HDAC8: variants seen among roughly 807,000 people sequenced by gnomAD.
HDAC8 encodes the protein histone deacetylase 8.
In HDAC8, 1 loss-of-function variant was observed where a neutral mutation model predicts 32.2. The observed-to-expected ratio is 0.03, with a 90% confidence interval of 0.01 to 0.15. The LOEUF (loss-of-function observed/expected upper bound fraction) is 0.15. Among genes scored for constraint, HDAC8 ranks in the 10% least tolerant of loss-of-function variants. The pLI, the probability that HDAC8 is intolerant of heterozygous loss-of-function variation, is 1.00. For synonymous variants in HDAC8, 108 were observed against 113.9 expected (o/e 0.95, Z 0.33); for missense variants, 117 against 300.0 (o/e 0.39, Z 4.51).
chrX:72,393,473 A>C (rs2045666941), intron 9 of HDAC8, among the ~76,000 whole-genome samples: 1 of 112,017 alleles, frequency 8.9e-6, no homozygotes, highest in African/African-American at 3.2e-5. Context: ...ATTTTCTTTC[A>C]TTCCACATGT....
At chrX:72,456,713 C>T (rs1398120605) in intron 9 of HDAC8, among the ~76,000 whole-genome samples, 6 of 111,128 alleles carry the variant, frequency 5.4e-5, no homozygotes, top group East Asian at 5.7e-4. Context: ...GCAGGAAAAT[C>T]GCGTGAACCC....
chrX:72,416,264 G>A (rs2046328720), intron 9 of HDAC8, among the ~76,000 whole-genome samples: 1 of 109,432 alleles, frequency 9.1e-6, no homozygotes, highest in South Asian at 3.9e-4. Context: ...GTAGTTTGTG[G>A]CTTTTGAGGA....
intron 7 of HDAC8, among the ~76,000 whole-genome samples, chrX:72,478,049 C>T (rs1256848555): frequency 8.9e-6 from 1 of 112,731 alleles, no homozygotes; most frequent in Non-Finnish European, 1.9e-5. Flanking sequence ...ATTCATTCTT[C>T]CCTGAGGAAA....
chrX:72,519,019 A>G (rs782760418), intron 4 of HDAC8, among the ~76,000 whole-genome samples: 1 of 112,779 alleles, frequency 8.9e-6, no homozygotes, highest in East Asian at 2.8e-4. Flanking sequence ...ACAATTATGA[A>G]TAAAGCTGCT....
At chrX:72,352,103 T>C (rs1298838612) in intron 9 of HDAC8, among the ~76,000 whole-genome samples, 2 of 111,775 alleles carry the variant, frequency 1.8e-5, no homozygotes, top group African/African-American at 6.5e-5. Flanking sequence ...TCTCTCCAAC[T>C]TCAGCTCTTA....
intron 4 of HDAC8, among the ~76,000 whole-genome samples, chrX:72,496,186 C>T (rs2049013433): frequency 9.0e-6 from 1 of 111,354 alleles, no homozygotes; most frequent in Non-Finnish European, 1.9e-5. Context: ...TAGGCATAAG[C>T]AACAGTTAAA....
intron 7 of HDAC8, among the ~76,000 whole-genome samples, chrX:72,482,283 T>C (rs2048532719): frequency 8.9e-6 from 1 of 111,952 alleles, no homozygotes; most frequent in African/African-American, 3.3e-5. Context: ...TGTAATTCCA[T>C]GAGAAGACCT....
chrX:72,504,089 T>C (rs1439148339), intron 4 of HDAC8, among the ~76,000 whole-genome samples: 3 of 112,446 alleles, frequency 2.7e-5, no homozygotes, highest in African/African-American at 9.7e-5. Context: ...ATTTGGTAAA[T>C]TACCATTCTT....
chrX:72,565,719 C>T (rs1350480746), intron 4 of HDAC8, among the ~76,000 whole-genome samples: 1 of 112,058 alleles, frequency 8.9e-6, no homozygotes, highest in African/African-American at 3.2e-5. Context: ...TACTTTTCTT[C>T]TCAACTTGCC....
intron 3 of HDAC8, 45 bp from the exon 4 acceptor site, chrX:72,568,075 A>G: frequency 8.8e-7 from 1 of 1,139,050 alleles, no homozygotes; most frequent in Non-Finnish European, 1.2e-6. Context: ...TGAACTGGAA[A>G]AAGAGGAGGA....
chrX:72,515,009 G>A (rs1427953590), intron 4 of HDAC8, among the ~76,000 whole-genome samples: 4 of 111,716 alleles, frequency 3.6e-5, no homozygotes, highest in African/African-American at 1.3e-4. Flanking sequence ...CCACAATCAA[G>A]CTAATTAACA....
intron 7 of HDAC8, among the ~76,000 whole-genome samples, chrX:72,479,825 C>T (rs965466038): frequency 8.9e-6 from 1 of 112,055 alleles, no homozygotes; most frequent in Admixed American, 9.4e-5. Flanking sequence ...GAGAAAACAC[C>T]GGTTCGCCAC....
At chrX:72,528,894 G>A (rs781884191) in intron 4 of HDAC8, among the ~76,000 whole-genome samples, 4 of 112,284 alleles carry the variant, frequency 3.6e-5, no homozygotes, top group Non-Finnish European at 5.6e-5. Flanking sequence ...ATCCAAACCC[G>A]TTCTCTTTGC....
intron 7 of HDAC8, among the ~76,000 whole-genome samples, chrX:72,488,591 G>A (rs782675061): frequency 8.9e-6 from 1 of 111,864 alleles, no homozygotes; most frequent in Admixed American, 9.5e-5. Context: ...CAACTGAAAT[G>A]AACCCTGCCA....
chrX:72,546,162 GTAGAGCTTGCCAAGACAAACAGCA>G (rs1429225151), intron 4 of HDAC8, among the ~76,000 whole-genome samples: 1 of 111,445 alleles, frequency 9.0e-6, no homozygotes, highest in Non-Finnish European at 1.9e-5. Flanking sequence ...CATTCTTCCT[GTAGAGCTTGCCAAGACAAACAGCA>G]TAGAGCTTTA....
chrX:72,408,557 G>A (rs782048264), intron 9 of HDAC8, among the ~76,000 whole-genome samples: 9 of 111,040 alleles, frequency 8.1e-5, no homozygotes, highest in Non-Finnish European at 1.5e-4. Context: ...GGTATGTGCT[G>A]CCACACCTGG....
At chrX:72,353,764 C>T (rs965659841) in intron 9 of HDAC8, among the ~76,000 whole-genome samples, 1 of 111,616 alleles carries the variant, frequency 9.0e-6, no homozygotes, top group Non-Finnish European at 1.9e-5. Context: ...GATAGCGCAA[C>T]AGAAGAAAGG....
intron 10 of HDAC8, among the ~76,000 whole-genome samples, chrX:72,333,171 A>G (rs1301129535): frequency 9.0e-6 from 1 of 110,500 alleles, no homozygotes; most frequent in Non-Finnish European, 1.9e-5. Flanking sequence ...ATAATCTTTG[A>G]TCCTTAATTT....
At chrX:72,344,212 C>CT (rs1291300746) in intron 10 of HDAC8, among the ~76,000 whole-genome samples, 63 of 108,608 alleles carry the variant, frequency 5.8e-4, no homozygotes, top group African/African-American at 1.8e-3. Context: ...GCATGTATTA[C>CT]TTTTTTTTTT....
Sources: allele counts gnomAD v4.1 joint callset (sites outside exome capture counted in the v4.1 genomes callset), GRCh38; gene constraint gnomAD v4.1.1; transcripts MANE v1.5; gene names NCBI Gene and HGNC (gene_info 2026-07-23, HGNC 2026-07-21).